The following CNTN4 variants were observed in gnomAD, a reference collection of about 807,000 sequenced individuals.
CNTN4 encodes the protein contactin 4, also known as contactin-4.
A neutral mutation model predicts 122.5 loss-of-function variants in CNTN4; 77 were observed. The ratio of observed to expected loss-of-function variants is 0.63; its 90% CI spans 0.52 to 0.76. CNTN4 has a LOEUF of 0.76. CNTN4 is among the 30% of genes least tolerant of loss of function. The pLI, the probability that CNTN4 is intolerant of heterozygous loss-of-function variation, is 0.00. For missense variants in CNTN4, 1,256 were observed against 1,259.1 expected (o/e 1.00, Z 0.04); for synonymous variants, 512 against 447.0 (o/e 1.15, Z -1.83).
At chr3:2,758,477 A>G (rs1310505311) in intron 6 of CNTN4, among the ~76,000 whole-genome samples, 1 of 151,066 alleles carries the variant, frequency 6.6e-6, no homozygotes, top group Non-Finnish European at 1.5e-5. Flanking sequence ...CTAGAAAAAA[A>G]CTCATTATGA....
At chr3:2,728,145 C>A (rs1376411883) in intron 4 of CNTN4, among the ~76,000 whole-genome samples, 1 of 152,158 alleles carries the variant, frequency 6.6e-6, no homozygotes, top group Non-Finnish European at 1.5e-5. Flanking sequence ...GTCCAATCAT[C>A]ATTTCTACAA....
At chr3:2,388,532 A>G (rs1034335175) in intron 3 of CNTN4, among the ~76,000 whole-genome samples, 2 of 152,194 alleles carry the variant, frequency 1.3e-5, no homozygotes, top group African/African-American at 4.8e-5. Context: ...TATGGCCTGC[A>G]TAGTCTTATT....
intron 12 of CNTN4, among the ~76,000 whole-genome samples, chr3:2,916,704 T>C (rs2094360796): frequency 7.1e-6 from 1 of 140,146 alleles, no homozygotes; most frequent in Middle Eastern, 3.5e-3. Context: ...CCGTTCTCAA[T>C]GAGCTGTTGG....
At chr3:2,259,127 C>T (rs926669575) in intron 2 of CNTN4, among the ~76,000 whole-genome samples, 3 of 151,428 alleles carry the variant, frequency 2.0e-5, no homozygotes, top group Admixed American at 2.0e-4. Flanking sequence ...CATTTTTCTT[C>T]AGAACATTCC....
At chr3:2,626,321 A>G (rs2600311) in intron 4 of CNTN4, among the ~76,000 whole-genome samples, 105,000 of 151,556 alleles carry the variant, frequency 0.69, 38,033 homozygotes, top group African/African-American at 0.89. Flanking sequence ...GTGAAACCCC[A>G]TCTCTACTAA....
chr3:2,526,819 A>C (rs945084157), intron 3 of CNTN4, among the ~76,000 whole-genome samples: 1 of 152,112 alleles, frequency 6.6e-6, no homozygotes, highest in African/African-American at 2.4e-5. Flanking sequence ...ATTTTACTGA[A>C]AAAAATTGTG....
intron 4 of CNTN4, among the ~76,000 whole-genome samples, chr3:2,705,417 A>G (rs2086604910): frequency 7.7e-6 from 1 of 129,428 alleles, no homozygotes. Flanking sequence ...AGCCAGGTGT[A>G]CATTTGATTT....
intron 3 of CNTN4, among the ~76,000 whole-genome samples, chr3:2,392,838 C>G (rs1447462810): frequency 6.6e-6 from 1 of 152,142 alleles, no homozygotes; most frequent in African/African-American, 2.4e-5. Context: ...GTACCACAAA[C>G]TGGGTGGCTT....
chr3:2,219,889 T>C (rs970284173), intron 2 of CNTN4, among the ~76,000 whole-genome samples: 5 of 152,190 alleles, frequency 3.3e-5, no homozygotes, highest in African/African-American at 1.2e-4. Flanking sequence ...ACCATGCTTC[T>C]ATTTATTTCC....
chr3:2,123,237 C>A (rs2033913306), intron 2 of CNTN4, among the ~76,000 whole-genome samples: 1 of 152,216 alleles, frequency 6.6e-6, no homozygotes, highest in Non-Finnish European at 1.5e-5. Context: ...TAACTATCCT[C>A]ACTTTACAAT....
chr3:2,305,052 T>C (rs936905170), intron 2 of CNTN4, among the ~76,000 whole-genome samples: 2 of 152,062 alleles, frequency 1.3e-5, no homozygotes, highest in South Asian at 4.1e-4. Flanking sequence ...AATTCACTTA[T>C]AGGTCCATTT....
intron 4 of CNTN4, among the ~76,000 whole-genome samples, chr3:2,713,992 C>A (rs1047589396): frequency 6.6e-6 from 1 of 152,120 alleles, no homozygotes; most frequent in Non-Finnish European, 1.5e-5. Context: ...AGAAGCCTGT[C>A]ATGGAGACAT....
intron 3 of CNTN4, among the ~76,000 whole-genome samples, chr3:2,393,905 T>C (rs189918863): frequency 6.6e-6 from 1 of 152,228 alleles, no homozygotes; most frequent in Admixed American, 6.5e-5. Context: ...CTAGATATGT[T>C]TTATATCAAT....
intron 4 of CNTN4, among the ~76,000 whole-genome samples, chr3:2,682,501 A>T (rs1043372371): frequency 6.6e-6 from 1 of 152,132 alleles, no homozygotes; most frequent in Non-Finnish European, 1.5e-5. Flanking sequence ...TTCTAAGGTA[A>T]TCCACGTGCA....
intron 7 of CNTN4, among the ~76,000 whole-genome samples, chr3:2,824,725 A>G (rs1009216173): frequency 6.6e-6 from 1 of 152,092 alleles, no homozygotes; most frequent in Non-Finnish European, 1.5e-5. Flanking sequence ...GCAATGGCAC[A>G]ATCTCGGCTC....
In CNTN4 at chr3:2,555,658, A is replaced by G. The variant is rs544080201; in HGVS notation, c.-88-15758A>G. 1.6e-4 allele frequency among the ~76,000 whole-genome samples: 25 copies of G among 152,322 alleles called. 1 individual carries two copies. Among genetic ancestry groups the G allele is most frequent in the Admixed American group, 1.2e-3 (19 of 15,294 alleles). On this transcript the variant is annotated intron_variant, in intron 3 of 24. Transcript: ENST00000418658. Reference sequence around the variant, plus strand: ...GGGAAGAGAGAGGGGAACAGCAGGTACAAAGGTAAGGAGACAAGATTCTCT... The same window carrying G: ...GGGAAGAGAGAGGGGAACAGCAGGTGCAAAGGTAAGGAGACAAGATTCTCT...
At chr3:2,461,340 T>TATTA (rs1406301156) in intron 3 of CNTN4, among the ~76,000 whole-genome samples, 1 of 151,910 alleles carries the variant, frequency 6.6e-6, no homozygotes, top group Non-Finnish European at 1.5e-5. Flanking sequence ...AATTATTAAT[T>TATTA]ATTAATTAAT....
chr3:2,267,527 G>A (rs1389659264), intron 2 of CNTN4, among the ~76,000 whole-genome samples: 3 of 152,026 alleles, frequency 2.0e-5, no homozygotes, highest in South Asian at 2.1e-4. Flanking sequence ...TGTCATGTCT[G>A]TTATACATGA....
chr3:2,330,878 C>T (rs2043689400), intron 2 of CNTN4, among the ~76,000 whole-genome samples: 1 of 152,076 alleles, frequency 6.6e-6, no homozygotes. Context: ...AATTAATACT[C>T]AGATAAGGGG....
Sources: gnomAD v4.1 joint callset for allele counts (sites outside exome capture counted in the v4.1 genomes callset) on GRCh38, gnomAD v4.1.1 for gene constraint, MANE v1.5 for transcripts, NCBI Gene and HGNC (gene_info 2026-07-23, HGNC 2026-07-21) for gene names.